The following KAZN variants were observed in gnomAD, a reference collection of about 807,000 sequenced individuals.
KAZN encodes kazrin, periplakin interacting protein.
In KAZN, 40 loss-of-function variants were observed where a neutral mutation model predicts 87.4. The observed-to-expected ratio is 0.46, with a 90% CI of 0.36 to 0.60. The LOEUF (loss-of-function observed/expected upper bound fraction) is 0.60. Ranked by LOEUF, KAZN falls within the 20% of genes least tolerant of loss-of-function variation. KAZN has a pLI of 0.00. For synonymous variants in KAZN, 466 were observed against 458.3 expected (o/e 1.02, Z -0.22); for missense variants, 898 against 1,073.9 (o/e 0.84, Z 2.29).
intron 1 of KAZN, among the ~76,000 whole-genome samples, chr1:14,652,999 A>G (rs1293882170): frequency 1.3e-5 from 2 of 152,052 alleles, no homozygotes; most frequent in Non-Finnish European, 2.9e-5. Context: ...AAGCTGGAGA[A>G]ATTCTGCTGA....
At chr1:14,471,654 A>C (rs894705952) in intron 2 of KAZN, among the ~76,000 whole-genome samples, 18 of 152,156 alleles carry the variant, frequency 1.2e-4, no homozygotes, top group African/African-American at 4.1e-4. Flanking sequence ...CCTGCCCTCA[A>C]GGTGTTTTCA....
At chr1:14,140,452 A>C (rs1349157825) in intron 1 of KAZN, among the ~76,000 whole-genome samples, 2 of 152,228 alleles carry the variant, frequency 1.3e-5, no homozygotes, top group Admixed American at 6.5e-5. Context: ...GTTAAACGTT[A>C]AGTCCCCAGA....
intron 1 of KAZN, among the ~76,000 whole-genome samples, chr1:14,945,158 AGG>A (rs1661609731): frequency 6.6e-6 from 1 of 152,224 alleles, no homozygotes; most frequent in Non-Finnish European, 1.5e-5. Flanking sequence ...GGGAGGTTGC[AGG>A]GGATGTGTGC....
intron 1 of KAZN, among the ~76,000 whole-genome samples, chr1:14,057,557 T>C (rs1642626971): frequency 6.6e-6 from 1 of 152,248 alleles, no homozygotes; most frequent in African/African-American, 2.4e-5. Context: ...GTTAAGTGCC[T>C]GGTCTATGGT....
At chr1:14,486,885 G>C (rs1203536445) in intron 2 of KAZN, among the ~76,000 whole-genome samples, 1 of 152,160 alleles carries the variant, frequency 6.6e-6, no homozygotes, top group African/African-American at 2.4e-5. Flanking sequence ...TTCCTTGGTA[G>C]CTCCCTGTAA....
intron 1 of KAZN, among the ~76,000 whole-genome samples, chr1:14,803,235 AG>A (rs1173182620): frequency 6.6e-6 from 1 of 152,222 alleles, no homozygotes; most frequent in Non-Finnish European, 1.5e-5. Flanking sequence ...ACTGAGGCTT[AG>A]AGAAGTGAAG....
chr1:14,934,379 G>A (rs980352651), intron 1 of KAZN, among the ~76,000 whole-genome samples: 1 of 151,468 alleles, frequency 6.6e-6, no homozygotes. Flanking sequence ...GCTAATTTTT[G>A]TATTTTTAGT....
chr1:14,361,225 T>A (rs1659482369), intron 2 of KAZN, among the ~76,000 whole-genome samples: 1 of 152,184 alleles, frequency 6.6e-6, no homozygotes, highest in African/African-American at 2.4e-5. Flanking sequence ...GCAGCTTTGT[T>A]TACACTGTGA....
chr1:14,456,387 T>C (rs1356966851), intron 2 of KAZN, among the ~76,000 whole-genome samples: 1 of 152,214 alleles, frequency 6.6e-6, no homozygotes, highest in Non-Finnish European at 1.5e-5. Context: ...GGAATAGTAC[T>C]CTTAGTAGAT....
intron 1 of KAZN, among the ~76,000 whole-genome samples, chr1:14,699,418 A>T (rs1641796016): frequency 6.6e-6 from 1 of 152,212 alleles, no homozygotes; most frequent in South Asian, 2.1e-4. Flanking sequence ...ACAAATATGC[A>T]TTGAGCATTA....
chr1:14,469,059 C>G (rs1395810558), intron 2 of KAZN, among the ~76,000 whole-genome samples: 1 of 152,124 alleles, frequency 6.6e-6, no homozygotes, highest in Non-Finnish European at 1.5e-5. Context: ...CAGATTGTTC[C>G]CTTCATCCAG....
At chr1:15,057,379 A>G (rs1638385556) in intron 5 of KAZN, among the ~76,000 whole-genome samples, 1 of 152,256 alleles carries the variant, frequency 6.6e-6, no homozygotes, top group South Asian at 2.1e-4. Context: ...TGAAGATGAA[A>G]TGTGTAAAAC....
At chr1:13,989,785 T>G (rs1232625640) in intron 1 of KAZN, among the ~76,000 whole-genome samples, 1 of 152,196 alleles carries the variant, frequency 6.6e-6, no homozygotes, top group African/African-American at 2.4e-5. Context: ...CAAGCTCATC[T>G]TTGATCCCGT....
At chr1:14,884,714 G>A (rs952153014) in intron 1 of KAZN, among the ~76,000 whole-genome samples, 1 of 152,222 alleles carries the variant, frequency 6.6e-6, no homozygotes, top group Non-Finnish European at 1.5e-5. Context: ...TGGGATCTGG[G>A]ATTCTGCCTT....
At chr1:14,200,831 C>A (rs1465891489) in intron 2 of KAZN, among the ~76,000 whole-genome samples, 1 of 152,088 alleles carries the variant, frequency 6.6e-6, no homozygotes, top group Non-Finnish European at 1.5e-5. Context: ...TGAACACCCA[C>A]CAAGAGTCTT....
Position 14,923,466 on chromosome 1 carries a change from G to A in KAZN, c.227-37218G>A, listed in dbSNP as rs571124207. Among the ~76,000 whole-genome samples the A allele has an allele frequency of 1.3e-5, 2 of 152,234 alleles. No homozygotes were observed. Among genetic ancestry groups the A allele is most frequent in the South Asian group, 2.1e-4 (1 of 4,820 alleles). ...TCACTGTTCCCCCACCCACTCCCAGGGTCCAGGCTCTGGCCTCCCCTGCCA... is the reference window on the plus strand; with the variant it reads ...TCACTGTTCCCCCACCCACTCCCAGAGTCCAGGCTCTGGCCTCCCCTGCCA... On this transcript the variant is annotated intron_variant, in intron 1 of 14. Coordinates refer to ENST00000376030, the MANE Select transcript of KAZN (RefSeq NM_201628.3). This position sits in a 1 kb window ranked among gnomAD's most constrained non-coding sequence, Gnocchi z 4.2.
At chr1:14,186,642 G>A (rs1646312353) in intron 2 of KAZN, among the ~76,000 whole-genome samples, 1 of 152,166 alleles carries the variant, frequency 6.6e-6, no homozygotes, top group Admixed American at 6.5e-5. Flanking sequence ...TTGACCGTGG[G>A]CAGGTAGGCT....
intron 1 of KAZN, among the ~76,000 whole-genome samples, chr1:14,659,044 C>T (rs1638986130): frequency 6.6e-6 from 1 of 152,098 alleles, no homozygotes; most frequent in East Asian, 1.9e-4. Flanking sequence ...TCGAGACCAG[C>T]CTGGCCAACA....
At chr1:14,144,900 T>C (rs1645313606) in intron 1 of KAZN, among the ~76,000 whole-genome samples, 1 of 152,206 alleles carries the variant, frequency 6.6e-6, no homozygotes, top group Non-Finnish European at 1.5e-5. Context: ...TAATGAAGGA[T>C]CCACTGGCAT....
Sources: gnomAD v4.1 joint callset for allele counts (sites outside exome capture counted in the v4.1 genomes callset) on GRCh38, gnomAD v4.1.1 for gene constraint, Gnocchi (gnomAD v3.1) non-coding constraint, MANE v1.5 for transcripts, NCBI Gene and HGNC (gene_info 2026-07-23, HGNC 2026-07-21) for gene names.